HEPHL1: variants seen among roughly 807,000 people sequenced by gnomAD.
HEPHL1 encodes ferroxidase HEPHL1.
HEPHL1 carries 123 observed loss-of-function variants against 122.0 expected under a neutral mutation model. That is an observed-to-expected ratio of 1.01 (90% CI 0.87 to 1.17). HEPHL1 has a LOEUF of 1.17. Among genes scored for constraint, HEPHL1 ranks in the 50% most tolerant of loss-of-function variants. The pLI is 0.00. For missense variants in HEPHL1, 1,452 were observed against 1,430.5 expected, an observed-to-expected ratio of 1.01 and a Z score of -0.24; for synonymous variants, 527 against 508.9, an observed-to-expected ratio of 1.04 and a Z score of -0.48.
chr11:94,107,938 A>T (rs1211829562), intron 17 of HEPHL1, among the ~76,000 whole-genome samples: 1 of 152,226 alleles, frequency 6.6e-6, no homozygotes, highest in Non-Finnish European at 1.5e-5. Flanking sequence ...TGATAAGTGT[A>T]TGTTTGATTT....
intron 1 of HEPHL1, among the ~76,000 whole-genome samples, chr11:94,040,834 A>T (rs1311363328): frequency 1.4e-5 from 1 of 72,742 alleles, no homozygotes; most frequent in African/African-American, 6.3e-5. Flanking sequence ...GCCCTCTCTC[A>T]CCGCTCCTAT....
intron 2 of HEPHL1, among the ~76,000 whole-genome samples, chr11:94,048,716 T>C (rs1289999464): frequency 3.3e-5 from 5 of 152,078 alleles, no homozygotes; most frequent in African/African-American, 1.2e-4. Flanking sequence ...CCTGAAAACA[T>C]TCATAGGTCC....
At chr11:94,045,586 C>T (rs1945826610) in intron 1 of HEPHL1, 87 bp from the exon 2 acceptor site, 4 of 1,142,088 alleles carry the variant, frequency 3.5e-6, no homozygotes, top group African/African-American at 1.6e-5. Flanking sequence ...AGAGGTCATA[C>T]ATGCAATACT....
In HEPHL1 at chr11:94,073,040, C is replaced by G. The variant is rs529735652; in HGVS notation, c.1248C>G (p.Tyr416Ter). Residue 416 changes from tyrosine to a stop codon, truncating the protein, a stop_gained, in exon 7 of 20, where the codon TAC becomes TAG. Coordinates refer to ENST00000315765, the MANE Select transcript of HEPHL1 (RefSeq NM_001098672.2). LOFTEE classifies it high-confidence loss of function. ...GTCTTTTCAGTGACTCTGATCTCTA[C>G]TTCACACAAGGGGACAACAGAATAG... ...LNASGSDSDL[Y>*]FTQGDNRIGG... The G allele has an allele frequency of 6.2e-7, 1 of 1,612,678 alleles. No homozygotes were observed. Among genetic ancestry groups the G allele is most frequent in the East Asian group, 2.2e-5 (1 of 44,864 alleles).
intron 2 of HEPHL1, chr11:94,055,572 C>A: frequency 3.4e-6 from 1 of 295,184 alleles, no homozygotes; most frequent in South Asian, 3.1e-5. Context: ...TCTCCAGTAT[C>A]AAAGTAAGCA....
intron 17 of HEPHL1, among the ~76,000 whole-genome samples, chr11:94,108,785 T>C (rs1210470133): frequency 2.0e-5 from 3 of 152,106 alleles, no homozygotes; most frequent in Non-Finnish European, 4.4e-5. Context: ...TGCCACAATG[T>C]TTTGATTACT....
At chr11:94,098,905 G>A (rs143024156) in intron 13 of HEPHL1, among the ~76,000 whole-genome samples, 5,270 of 152,152 alleles carry the variant, frequency 0.035, 199 homozygotes, top group East Asian at 0.13. Flanking sequence ...ATTCTAGTTA[G>A]CCATTCATCT....
chr11:94,033,768 A>G (rs1398113361), intron 1 of HEPHL1, among the ~76,000 whole-genome samples: 9 of 152,110 alleles, frequency 5.9e-5, no homozygotes, highest in Non-Finnish European at 1.2e-4. Flanking sequence ...TTAAACACCA[A>G]CTCTTCCAGG....
intron 2 of HEPHL1, among the ~76,000 whole-genome samples, chr11:94,054,793 A>G (rs1246570414): frequency 2.6e-5 from 4 of 152,252 alleles, no homozygotes; most frequent in Admixed American, 1.3e-4. Flanking sequence ...CTGCATAGGC[A>G]CTTGGGAATT....
At chr11:94,065,166 G>A (rs1044133436) in intron 4 of HEPHL1, among the ~76,000 whole-genome samples, 3 of 152,176 alleles carry the variant, frequency 2.0e-5, no homozygotes, top group African/African-American at 7.2e-5. Flanking sequence ...GATTTTCTTA[G>A]AGAGTTCTAG....
At chr11:94,092,212 A>G (rs1223056419) in intron 12 of HEPHL1, among the ~76,000 whole-genome samples, 1 of 152,200 alleles carries the variant, frequency 6.6e-6, no homozygotes, top group African/African-American at 2.4e-5. Flanking sequence ...AGATAAAATT[A>G]AAAGATTTTA....
At chr11:94,107,250 G>C (rs556976785) in intron 17 of HEPHL1, among the ~76,000 whole-genome samples, 1 of 152,060 alleles carries the variant, frequency 6.6e-6, no homozygotes, top group African/African-American at 2.4e-5. Flanking sequence ...CGTTGTTTAC[G>C]ACACCAAGTA....
chr11:94,108,557 A>G (rs945683693), intron 17 of HEPHL1, among the ~76,000 whole-genome samples: 32 of 151,956 alleles, frequency 2.1e-4, no homozygotes, highest in Non-Finnish European at 4.6e-4. Flanking sequence ...GCTCTGATAC[A>G]TTTTAATTTT....
chr11:94,100,917 G>GAC (rs1946362421), intron 13 of HEPHL1, among the ~76,000 whole-genome samples: 1 of 152,134 alleles, frequency 6.6e-6, no homozygotes, highest in African/African-American at 2.4e-5. Flanking sequence ...CTAAACTGAT[G>GAC]TTACAGATGA....
At chr11:94,099,528 T>G (rs1248426388) in intron 13 of HEPHL1, among the ~76,000 whole-genome samples, 1 of 152,142 alleles carries the variant, frequency 6.6e-6, no homozygotes, top group East Asian at 1.9e-4. Flanking sequence ...GAACCACTAC[T>G]CTCTTCAAAG....
chr11:94,058,480 T>C (rs1185061041), intron 2 of HEPHL1, among the ~76,000 whole-genome samples: 1 of 152,120 alleles, frequency 6.6e-6, no homozygotes, highest in Non-Finnish European at 1.5e-5. Flanking sequence ...AGAGTAAATA[T>C]ACAGTTGTTG....
At chr11:94,062,027 T>C (rs1945988499) in intron 2 of HEPHL1, among the ~76,000 whole-genome samples, 1 of 152,136 alleles carries the variant, frequency 6.6e-6, no homozygotes, top group Non-Finnish European at 1.5e-5. Flanking sequence ...CTACAGTTAA[T>C]ATGAATGGGC....
At chr11:94,044,060 G>A (rs1945811570) in intron 1 of HEPHL1, among the ~76,000 whole-genome samples, 1 of 151,912 alleles carries the variant, frequency 6.6e-6, no homozygotes, top group African/African-American at 2.4e-5. Context: ...GAGTGGTGGA[G>A]CTTTTGCTCA....
rs1946286607 is a variant in HEPHL1, at chr11:94,094,004, ATATATATAT to A, written c.2434+365_2434+373del. On this transcript the variant is annotated intron_variant, in intron 13 of 19. Transcript: ENST00000315765. ...TATATATATATATATATATATATATATATATATATAAAACTTTAAGTTCTAGGGTACATG... is the reference window on the plus strand; with the variant it reads ...TATATATATATATATATATATATATAAAAACTTTAAGTTCTAGGGTACATG... 3.6e-5 allele frequency among the ~76,000 whole-genome samples: 4 copies of A among 112,212 alleles called. 1 individual carries two copies. The highest frequency in any genetic ancestry group is 2.7e-4 in the Admixed American group (3 of 11,176). The allele number at this position is 112,212 out of a possible 152,430, so 73.6% of individuals were successfully genotyped here.
Sources: allele counts gnomAD v4.1 joint callset (sites outside exome capture counted in the v4.1 genomes callset), GRCh38; gene constraint gnomAD v4.1.1; transcripts MANE v1.5; gene names NCBI Gene and HGNC (gene_info 2026-07-23, HGNC 2026-07-21).